ZMYM4: variants seen among roughly 807,000 people sequenced by gnomAD.
ZMYM4 encodes the protein zinc finger MYM-type containing 4.
Under a neutral mutation model 183.2 loss-of-function variants are expected in ZMYM4, and 31 were observed. The ratio of observed to expected loss-of-function variants is 0.17; its 90% confidence interval spans 0.13 to 0.23. The LOEUF (loss-of-function observed/expected upper bound fraction) is 0.23. ZMYM4 is among the 10% of genes least tolerant of loss of function. The pLI, the probability that ZMYM4 is intolerant of heterozygous loss-of-function variation, is 1.00. For synonymous variants in ZMYM4, 592 were observed against 631.2 expected (o/e 0.94, Z 0.93); for missense variants, 1,273 against 1,840.3 (o/e 0.69, Z 5.64).
In ZMYM4 at chr1:35,363,449, T is replaced by C. The variant is rs1570441014; in HGVS notation, c.840+1660T>C. Among the ~76,000 whole-genome samples, 3 of 152,268 alleles carry C rather than the reference T, an allele frequency of 2.0e-5. No individual in the cohort carries two copies. In the South Asian group the frequency reaches 6.2e-4, roughly 32 times the overall value. ...ACATGCCAGTAGCAGCCTCCTCCCTTGCCAATTTTAACAAAAAATGATCTA... is the reference window on the plus strand; with the variant it reads ...ACATGCCAGTAGCAGCCTCCTCCCTCGCCAATTTTAACAAAAAATGATCTA... On this transcript the variant is annotated intron_variant, in intron 5 of 29. Transcript: ENST00000314607.
At chr1:35,304,125 T>C (rs1641416138) in intron 1 of ZMYM4, among the ~76,000 whole-genome samples, 1 of 151,728 alleles carries the variant, frequency 6.6e-6, no homozygotes, top group Non-Finnish European at 1.5e-5. Flanking sequence ...CCCACATTCA[T>C]GCGATTCTCC....
At chr1:35,330,589 C>T (rs1018298545) in intron 2 of ZMYM4, among the ~76,000 whole-genome samples, 1 of 152,160 alleles carries the variant, frequency 6.6e-6, no homozygotes, top group African/African-American at 2.4e-5. Context: ...AATCCTTTAC[C>T]TGAGCCCATT....
chr1:35,300,743 C>T (rs1641242380), intron 1 of ZMYM4, among the ~76,000 whole-genome samples: 1 of 152,092 alleles, frequency 6.6e-6, no homozygotes, highest in Non-Finnish European at 1.5e-5. Flanking sequence ...AGTTTGGGTA[C>T]TTTTTATGTA....
chr1:35,355,346 C>A (rs1345693922), intron 2 of ZMYM4, among the ~76,000 whole-genome samples: 1 of 151,914 alleles, frequency 6.6e-6, no homozygotes, highest in Non-Finnish European at 1.5e-5. Flanking sequence ...CGCACCCAGC[C>A]ATCTGCAAGA....
intron 10 of ZMYM4, among the ~76,000 whole-genome samples, 187 bp from the exon 11 acceptor site, chr1:35,385,887 T>G (rs1644565048): frequency 6.6e-6 from 1 of 152,206 alleles, no homozygotes; most frequent in Non-Finnish European, 1.5e-5. Context: ...TTTGACCAAT[T>G]TAAATTGGAA....
intron 1 of ZMYM4, among the ~76,000 whole-genome samples, chr1:35,275,573 T>C (rs1021778780): frequency 6.6e-6 from 1 of 152,162 alleles, no homozygotes; most frequent in Non-Finnish European, 1.5e-5. Flanking sequence ...AAATATAAAA[T>C]TTCAGTTTCT....
At chr1:35,395,452 A>G (rs16837320) in intron 18 of ZMYM4, among the ~76,000 whole-genome samples, 2,176 of 152,108 alleles carry the variant, frequency 0.014, 48 homozygotes, top group African/African-American at 0.05. Context: ...AATTTATGCC[A>G]TATTATTTTC....
At chr1:35,395,080 A>G (rs1307531962) in intron 18 of ZMYM4, among the ~76,000 whole-genome samples, 3 of 152,192 alleles carry the variant, frequency 2.0e-5, no homozygotes, top group Admixed American at 6.5e-5. Context: ...GAATTTTACT[A>G]AGTAGATTCT....
At chr1:35,299,773 A>G (rs1570290201) in intron 1 of ZMYM4, among the ~76,000 whole-genome samples, 1 of 152,022 alleles carries the variant, frequency 6.6e-6, no homozygotes, top group African/African-American at 2.4e-5. Context: ...AGCAACCAAC[A>G]GAGATTCTTT....
intron 1 of ZMYM4, among the ~76,000 whole-genome samples, chr1:35,301,964 C>G (rs1641298143): frequency 6.6e-6 from 1 of 152,172 alleles, no homozygotes; most frequent in African/African-American, 2.4e-5. Context: ...TCTGCCTGTT[C>G]TCCAATGCCT....
At chr1:35,331,793 A>AGTAC (rs1642758526) in intron 2 of ZMYM4, among the ~76,000 whole-genome samples, 1 of 105,518 alleles carries the variant, frequency 9.5e-6, no homozygotes, top group Admixed American at 1.1e-4. Flanking sequence ...CCATCTCAAA[A>AGTAC]ATACATAAAT....
At chr1:35,273,533 T>C (rs778520072) in intron 1 of ZMYM4, among the ~76,000 whole-genome samples, 16 of 152,088 alleles carry the variant, frequency 1.1e-4, no homozygotes, top group Non-Finnish European at 2.1e-4. Flanking sequence ...CTTTTGTAAA[T>C]GTAAATATTA....
intron 1 of ZMYM4, among the ~76,000 whole-genome samples, chr1:35,309,395 G>T (rs1202747457): frequency 6.6e-6 from 1 of 152,134 alleles, no homozygotes; most frequent in Non-Finnish European, 1.5e-5. Flanking sequence ...CATTGCCTTA[G>T]ATTTGTTCCT....
At chr1:35,278,627 AT>A (rs1447387220) in intron 1 of ZMYM4, among the ~76,000 whole-genome samples, 6 of 151,908 alleles carry the variant, frequency 3.9e-5, no homozygotes, top group Middle Eastern at 3.2e-3. Flanking sequence ...GGGTTTCACT[AT>A]GTTAGGATGG....
At chr1:35,401,227 A>G (rs1262560709) in intron 23 of ZMYM4, among the ~76,000 whole-genome samples, 1 of 152,190 alleles carries the variant, frequency 6.6e-6, no homozygotes, top group Non-Finnish European at 1.5e-5. Context: ...AAGGAGATGT[A>G]CCATTTTGCA....
rs1643941723 is a variant in ZMYM4 at position 35,361,808 on chromosome 1, T to C, written c.840+19T>C. On this transcript the variant is annotated intron_variant, in intron 5 of 29. Transcript: ENST00000314607. Reference sequence around the variant, plus strand: ...TGCTCAAGTAAACATTTCACCTTTTTTCCCCCCTTCTTTTTGTTCCACACA... The same window carrying C: ...TGCTCAAGTAAACATTTCACCTTTTCTCCCCCCTTCTTTTTGTTCCACACA... 3.8e-6 allele frequency: 6 copies of C among 1,590,304 alleles called. No homozygotes were observed. Among genetic ancestry groups the C allele is most frequent in the Non-Finnish European group, 5.1e-6 (6 of 1,171,070 alleles).
intron 2 of ZMYM4, among the ~76,000 whole-genome samples, chr1:35,352,938 T>A (rs562931331): frequency 1.3e-5 from 2 of 152,360 alleles, no homozygotes; most frequent in East Asian, 1.9e-4. Context: ...CAGTCTTCTC[T>A]TAACTACAGG....
chr1:35,323,533 G>GT (rs1460688033), intron 1 of ZMYM4, among the ~76,000 whole-genome samples: 1 of 150,422 alleles, frequency 6.6e-6, no homozygotes, highest in African/African-American at 2.4e-5. Flanking sequence ...TTCGTTTTTT[G>GT]TTTTTTGTTT....
chr1:35,399,164 G>A (rs1318075327), intron 22 of ZMYM4, 121 bp downstream of exon 22: 4 of 1,041,844 alleles, frequency 3.8e-6, no homozygotes, highest in Admixed American at 2.7e-5. Context: ...TGTGTTAGAG[G>A]TCATAATCTA....
Sources: allele counts gnomAD v4.1 joint callset (sites outside exome capture counted in the v4.1 genomes callset), GRCh38; gene constraint gnomAD v4.1.1; transcripts MANE v1.5; gene names NCBI Gene and HGNC (gene_info 2026-07-23, HGNC 2026-07-21).